CMKLR1: variants seen among roughly 807,000 people sequenced by gnomAD.
The protein encoded by CMKLR1 is chemerin-like receptor 1.
A neutral mutation model predicts 8.2 loss-of-function variants in CMKLR1; 6 were observed. That is an observed-to-expected ratio of 0.73 (90% CI 0.40 to 1.44). CMKLR1 has a LOEUF of 1.44. Among genes scored for constraint, CMKLR1 ranks in the 40% most tolerant of loss-of-function variants. CMKLR1 has a pLI of 0.02. For missense variants in CMKLR1, 429 were observed against 478.0 expected, an observed-to-expected ratio of 0.90 and a Z score of 0.96; for synonymous variants, 178 against 181.2, an observed-to-expected ratio of 0.98 and a Z score of 0.14.
intron 1 of CMKLR1, among the ~76,000 whole-genome samples, chr12:108,337,283 G>C (rs1157197051): frequency 6.6e-6 from 1 of 152,128 alleles, no homozygotes; most frequent in Non-Finnish European, 1.5e-5. Context: ...AAATCATCTC[G>C]AGAAAGTGGT....
chr12:108,310,167 G>A (rs1490683795), intron 2 of CMKLR1, among the ~76,000 whole-genome samples: 1 of 102,856 alleles, frequency 9.7e-6, no homozygotes, highest in Admixed American at 1.0e-4. Context: ...TAGGGGCTGT[G>A]TGTGTGTGTG....
rs963191445 is a variant in CMKLR1 at position 108,304,841 on chromosome 12, C to T, written c.-73-11177G>A. Among the ~76,000 whole-genome samples, 7 of 152,258 alleles carry T rather than the reference C, an allele frequency of 4.6e-5. No individual in the cohort carries two copies. The East Asian group carries it at 1.2e-3, about 25-fold the overall frequency. ...TCTGTCAATCTGCTGTCTCTTTCAT[C>T]GCAGGCTACCACTAACCTCTTCCTG... On this transcript the variant is annotated intron_variant, in intron 2 of 3. Transcript: ENST00000550402.
At chr12:108,332,233 C>T (rs377547078) in intron 1 of CMKLR1, among the ~76,000 whole-genome samples, 3 of 152,290 alleles carry the variant, frequency 2.0e-5, no homozygotes, top group African/African-American at 2.4e-5. Context: ...TGCACATGCT[C>T]ACAAAAACAA....
At chr12:108,326,783 A>G (rs1290090918) in intron 2 of CMKLR1, among the ~76,000 whole-genome samples, 1 of 152,210 alleles carries the variant, frequency 6.6e-6, no homozygotes, top group Non-Finnish European at 1.5e-5. Context: ...GCAGAATTCA[A>G]TCGCATTTCA....
chr12:108,313,303 C>T (rs968154441), intron 2 of CMKLR1, among the ~76,000 whole-genome samples: 2 of 141,968 alleles, frequency 1.4e-5, no homozygotes, highest in Non-Finnish European at 3.1e-5. Context: ...CAAAAAGCTG[C>T]TCGAAGACCA....
At chr12:108,303,967 C>A (rs2137307356) in intron 2 of CMKLR1, among the ~76,000 whole-genome samples, 1 of 152,316 alleles carries the variant, frequency 6.6e-6, no homozygotes, top group Admixed American at 6.5e-5. Flanking sequence ...GAGAGCACAC[C>A]TTTTCTCTCT....
At chr12:108,326,509 C>T (rs1454112830) in intron 2 of CMKLR1, among the ~76,000 whole-genome samples, 1 of 152,130 alleles carries the variant, frequency 6.6e-6, no homozygotes, top group African/African-American at 2.4e-5. Context: ...ATGAGTCAAG[C>T]CATGGAAGAT....
Position 108,289,179 on chromosome 12 carries a change from C to G in CMKLR1, c.*2662G>C, listed in dbSNP as rs565989995. The G allele has an allele frequency of 6.6e-6, 1 of 152,372 alleles. No homozygotes were observed. The highest frequency in any genetic ancestry group is 1.5e-5 in the Non-Finnish European group (1 of 68,154). The allele number at this position is 152,372 out of a possible 1,614,324, so 9.4% of individuals were successfully genotyped here. On this transcript the variant is annotated 3_prime_UTR_variant, in exon 4 of 4. Transcript: ENST00000550402. ...TGTCCTCACGATCCCTCAGCTCCCC[C>G]ACCCCACCCAGGAGGCAGGGCTAAG...
In CMKLR1 at chr12:108,292,560, A is replaced by G. The variant is rs1189822603; in HGVS notation, c.403T>C (p.Ser135Pro). ...AGGAGCACAGAGATGCAGCGGTCAGAGCTGATGATGGTCAGCAGGAAGACG... is the reference window on the plus strand; with the variant it reads ...AGGAGCACAGAGATGCAGCGGTCAGGGCTGATGATGGTCAGCAGGAAGACG... ...TSVFLLTIIS[S>P]DRCISVLLPV... Residue 135 changes from serine (S) to proline (P), a missense_variant, in exon 4 of 4, where the codon TCT becomes CCT. By Grantham distance (74) the Ser-to-Pro change is moderately conservative. Transcript: ENST00000550402. The G allele has an allele frequency of 1.2e-6, 2 of 1,614,136 alleles. No individual in the cohort carries two copies. Among genetic ancestry groups the G allele is most frequent in the Non-Finnish European group, 1.7e-6 (2 of 1,180,028 alleles).
intron 1 of CMKLR1, among the ~76,000 whole-genome samples, chr12:108,335,482 A>G (rs1029688629): frequency 6.6e-6 from 1 of 152,274 alleles, no homozygotes; most frequent in African/African-American, 2.4e-5. Context: ...CCCTCCATTC[A>G]GAAATACTTG....
At chr12:108,323,206 C>A (rs764253108) in intron 2 of CMKLR1, among the ~76,000 whole-genome samples, 7 of 152,180 alleles carry the variant, frequency 4.6e-5, no homozygotes, top group African/African-American at 7.2e-5. Flanking sequence ...CATCCTTTAC[C>A]ATCACCACCA....
chr12:108,315,019 T>C (rs894367147), intron 2 of CMKLR1, among the ~76,000 whole-genome samples: 1 of 140,322 alleles, frequency 7.1e-6, no homozygotes, highest in African/African-American at 2.7e-5. Context: ...CTCACCGCAA[T>C]ATCCACCTCC....
chr12:108,299,985 G>C (rs925778319), intron 2 of CMKLR1, among the ~76,000 whole-genome samples: 2 of 152,346 alleles, frequency 1.3e-5, no homozygotes, highest in East Asian at 3.9e-4. Flanking sequence ...GCATTTATGT[G>C]ATTATTGCTG....
chr12:108,310,062 G>C (rs923219731), intron 2 of CMKLR1, among the ~76,000 whole-genome samples: 1 of 152,118 alleles, frequency 6.6e-6, no homozygotes, highest in African/African-American at 2.4e-5. Flanking sequence ...GGTGGCATTT[G>C]AGCTGAGCCT....
At chr12:108,325,823 A>C (rs1891969871) in intron 2 of CMKLR1, among the ~76,000 whole-genome samples, 1 of 152,170 alleles carries the variant, frequency 6.6e-6, no homozygotes, top group Admixed American at 6.5e-5. Context: ...ATCCTCTCCC[A>C]GTTCTCACTT....
intron 2 of CMKLR1, among the ~76,000 whole-genome samples, chr12:108,323,342 TTTTATTTA>T (rs139230013): frequency 2.0e-5 from 3 of 151,196 alleles, no homozygotes; most frequent in African/African-American, 7.3e-5. Flanking sequence ...CCCTTTTTTA[TTTTATTTA>T]TTTATTTATT....
In CMKLR1 at chr12:108,292,760, T is replaced by C. The variant is rs1157226785; in HGVS notation, c.203A>G (p.Lys68Arg). 4 of 1,614,156 alleles carry C rather than the reference T, an allele frequency of 2.5e-6. No homozygotes were observed. Among genetic ancestry groups the C allele is most frequent in the Non-Finnish European group, 3.4e-6 (4 of 1,180,022 alleles). The change falls in exon 4 of 4, where the codon AAG becomes AGG. Residue 68 changes from lysine (K) to arginine (R), a missense_variant. Lys to Arg is a conservative substitution (Grantham distance 26, BLOSUM62 2). Coordinates refer to ENST00000550402, the MANE Select transcript of CMKLR1 (RefSeq NM_001142343.2). The stretch of plus-strand genomic sequence containing the variant: ...GACCATGTTCACTGTCTTCTTCATC[T>C]TGAAGGTGGCAATGATGATCACCAG... ...NGLVIIIATF[K>R]MKKTVNMVWF... is the part of the protein sequence containing the mutation.
chr12:108,318,580 G>A (rs1891787380), intron 2 of CMKLR1, among the ~76,000 whole-genome samples: 1 of 152,220 alleles, frequency 6.6e-6, no homozygotes, highest in Admixed American at 6.5e-5. Flanking sequence ...TCCACAGTGT[G>A]AGGGAGATTT....
intron 2 of CMKLR1, among the ~76,000 whole-genome samples, chr12:108,326,821 C>T (rs1407290336): frequency 1.3e-5 from 2 of 152,182 alleles, no homozygotes; most frequent in African/African-American, 2.4e-5. Context: ...GCCTCGCATG[C>T]ACCCTGCCTT....
Sources: gnomAD v4.1 joint callset for allele counts (sites outside exome capture counted in the v4.1 genomes callset) on GRCh38, gnomAD v4.1.1 for gene constraint, MANE v1.5 for transcripts, NCBI Gene and HGNC (gene_info 2026-07-23, HGNC 2026-07-21) for gene names.